Variants in NSMAF observed in about 807,000 individuals in gnomAD.
NSMAF encodes the protein protein FAN.
A neutral mutation model predicts 134.9 loss-of-function variants in NSMAF; 90 were observed. The ratio of observed to expected loss-of-function variants is 0.67; its 90% CI spans 0.56 to 0.79. NSMAF has a LOEUF of 0.79. Among genes scored for constraint, NSMAF ranks in the 30% least tolerant of loss-of-function variants. The probability of loss-of-function intolerance (pLI) is 0.00; values close to 1 mark genes in which losing one functional copy is unlikely to be tolerated. For missense variants in NSMAF, 1,010 were observed against 1,119.0 expected, an observed-to-expected ratio of 0.90 and a Z score of 1.39; for synonymous variants, 358 against 389.6, an observed-to-expected ratio of 0.92 and a Z score of 0.96.
chr8:58,628,346 T>C (rs1222050488), intron 6 of NSMAF, among the ~76,000 whole-genome samples: 2 of 152,202 alleles, frequency 1.3e-5, no homozygotes, highest in African/African-American at 4.8e-5. Flanking sequence ...TCTCTGTGGT[T>C]ACCATGGGTC....
Position 58,605,827 on chromosome 8 carries a change from C to A in NSMAF, c.868+100G>T, listed in dbSNP as rs574483168. ...CCCAGGAGGCGGAGGTTGCAGTGAGCCGAGATCACGCCACTGCACTCCAGC... is the reference window on the plus strand; with the variant it reads ...CCCAGGAGGCGGAGGTTGCAGTGAGACGAGATCACGCCACTGCACTCCAGC... On this transcript the variant is annotated intron_variant, in intron 12 of 30. Transcript: ENST00000038176. 2.8e-4 allele frequency: 359 copies of A among 1,263,240 alleles called. 4 individuals are homozygous for A. The African/African-American group carries it at 5.3e-3, about 19-fold the overall frequency. 78.3% of individuals were successfully genotyped at this position (1,263,240 alleles called of 1,614,324 possible).
At chr8:58,634,128 G>C (rs1469203789) in intron 5 of NSMAF, among the ~76,000 whole-genome samples, 1 of 152,148 alleles carries the variant, frequency 6.6e-6, no homozygotes, top group Non-Finnish European at 1.5e-5. Flanking sequence ...TAATAACGAT[G>C]TTTGGTCCCC....
intron 19 of NSMAF, among the ~76,000 whole-genome samples, chr8:58,598,890 A>C (rs1230993311): frequency 6.6e-6 from 1 of 152,072 alleles, no homozygotes; most frequent in Non-Finnish European, 1.5e-5. Context: ...GCTGGGCATG[A>C]TGGCAGGTGC....
intron 6 of NSMAF, among the ~76,000 whole-genome samples, chr8:58,628,663 G>A (rs1255463537): frequency 6.6e-6 from 1 of 152,096 alleles, no homozygotes; most frequent in African/African-American, 2.4e-5. Context: ...TTGGTGTTTA[G>A]TATCTTTTTG....
intron 9 of NSMAF, among the ~76,000 whole-genome samples, chr8:58,614,323 T>G (rs1806605339): frequency 6.6e-6 from 1 of 152,154 alleles, no homozygotes; most frequent in South Asian, 2.1e-4. Flanking sequence ...AAAACAAATT[T>G]TCCTTTGTTT....
intron 26 of NSMAF, 61 bp from the exon 27 acceptor site, chr8:58,587,762 T>C: frequency 7.0e-7 from 1 of 1,437,264 alleles, no homozygotes; most frequent in South Asian, 1.2e-5. Context: ...CATTTTCTAG[T>C]GCATTCAAGA....
At chr8:58,633,841 A>G (rs921300247) in intron 5 of NSMAF, among the ~76,000 whole-genome samples, 1 of 152,204 alleles carries the variant, frequency 6.6e-6, no homozygotes, top group East Asian at 1.9e-4. Flanking sequence ...ATAATGCTTG[A>G]AAGAGTAGCT....
At chr8:58,649,847 C>A (rs539893209) in intron 1 of NSMAF, among the ~76,000 whole-genome samples, 1 of 152,320 alleles carries the variant, frequency 6.6e-6, no homozygotes, top group African/African-American at 2.4e-5. Context: ...GTACAGCCTG[C>A]AGAACTGTGA....
chr8:58,594,011 C>T (rs1468131985), intron 23 of NSMAF, among the ~76,000 whole-genome samples: 1 of 152,188 alleles, frequency 6.6e-6, no homozygotes, highest in Non-Finnish European at 1.5e-5. Flanking sequence ...GTCCTCTATC[C>T]TCAACTCTGG....
rs566718955 is a variant in NSMAF at position 58,627,661 on chromosome 8, G to A, written c.384+3835C>T. ...ACTTATGGTTATACTTAACCAAGGAGGTAAAATAGCTCTACAAGAAAAACT... is the reference window on the plus strand; with the variant it reads ...ACTTATGGTTATACTTAACCAAGGAAGTAAAATAGCTCTACAAGAAAAACT... On this transcript the variant is annotated intron_variant, in intron 6 of 30. Transcript: ENST00000038176. Among the ~76,000 whole-genome samples the A allele has an allele frequency of 2.0e-5, 3 of 152,130 alleles. No individual in the cohort carries two copies. The South Asian group carries it at 6.2e-4, about 32-fold the overall frequency.
Position 58,603,363 on chromosome 8 carries a change from C to T in NSMAF, c.892G>A (p.Ala298Thr). Residue 298 changes from alanine to threonine, a missense_variant, in exon 13 of 31, where the codon GCT becomes ACT. Coordinates refer to ENST00000038176, the MANE Select transcript of NSMAF (RefSeq NM_003580.4). ...YLEHHVAEHT[A>T]ESYMLQWQRG... The stretch of plus-strand genomic sequence containing the variant: ...TGCCACTGCAGCATGTAGCTCTCAG[C>T]AGTGTGCTCCGCCACATGGTGCTCT... 6.2e-7 allele frequency: 1 copy of T among 1,613,938 alleles called. No individual in the cohort carries two copies. The highest frequency in any genetic ancestry group is 8.5e-7 in the Non-Finnish European group (1 of 1,180,016).
At chr8:58,595,303 C>T (rs1039757963) in intron 22 of NSMAF, among the ~76,000 whole-genome samples, 1 of 152,164 alleles carries the variant, frequency 6.6e-6, no homozygotes, top group African/African-American at 2.4e-5. Flanking sequence ...CTGCCGACCA[C>T]ATCTTGTACT....
In NSMAF at chr8:58,599,739, G is replaced by C. The variant is rs1806231211; in HGVS notation, c.1453+11C>G. The C allele has an allele frequency of 1.2e-6, 2 of 1,612,926 alleles. No individual in the cohort carries two copies. The highest frequency in any genetic ancestry group is 8.5e-7 in the Non-Finnish European group (1 of 1,179,368). Reference sequence around the variant, plus strand: ...ATGTCTATAATACAACACCTCCAAGGGGGGACTCACTGGAAGCCCAAGGGG... The same window carrying C: ...ATGTCTATAATACAACACCTCCAAGCGGGGACTCACTGGAAGCCCAAGGGG... On this transcript the variant is annotated intron_variant, in intron 18 of 30. Coordinates refer to ENST00000038176, the MANE Select transcript of NSMAF (RefSeq NM_003580.4).
intron 2 of NSMAF, among the ~76,000 whole-genome samples, chr8:58,642,006 A>G (rs1807348572): frequency 1.3e-5 from 2 of 152,226 alleles, no homozygotes. Flanking sequence ...AGGGAAAAGA[A>G]TATGAGCAAA....
intron 6 of NSMAF, 116 bp from the exon 7 acceptor site, chr8:58,623,896 T>C: frequency 4.1e-6 from 3 of 740,710 alleles, no homozygotes; most frequent in South Asian, 3.6e-5. Flanking sequence ...TTTTACCTAG[T>C]GTAACTTCCC....
chr8:58,602,540 T>C (rs915809500), intron 13 of NSMAF, among the ~76,000 whole-genome samples: 4 of 152,156 alleles, frequency 2.6e-5, no homozygotes, highest in Non-Finnish European at 4.4e-5. Flanking sequence ...ATTTGAGAAC[T>C]AGTGAGCTAA....
chr8:58,602,934 G>A (rs542349750), intron 13 of NSMAF, among the ~76,000 whole-genome samples: 2 of 152,138 alleles, frequency 1.3e-5, no homozygotes, highest in Admixed American at 6.5e-5. Context: ...GTACTTATAG[G>A]TAATAATGAT....
intron 1 of NSMAF, among the ~76,000 whole-genome samples, chr8:58,652,736 G>A (rs1286432412): frequency 6.6e-6 from 1 of 152,140 alleles, no homozygotes; most frequent in Non-Finnish European, 1.5e-5. Context: ...ATATTCCCTG[G>A]CCCTTTGCCT....
At chr8:58,617,060 C>A (rs1806673567) in intron 9 of NSMAF, among the ~76,000 whole-genome samples, 1 of 152,132 alleles carries the variant, frequency 6.6e-6, no homozygotes, top group Admixed American at 6.6e-5. Flanking sequence ...AAAGAGAAAT[C>A]TGTACTATCT....
Sources: allele counts gnomAD v4.1 joint callset (sites outside exome capture counted in the v4.1 genomes callset), GRCh38; gene constraint gnomAD v4.1.1; transcripts MANE v1.5; gene names NCBI Gene and HGNC (gene_info 2026-07-23, HGNC 2026-07-21).